The following TCF4 variants were observed in gnomAD, a reference collection of about 807,000 sequenced individuals.
TCF4 encodes the protein SL3-3 enhancer factor 2.
Under a neutral mutation model 82.1 loss-of-function variants are expected in TCF4, and 3 were observed. The ratio of observed to expected loss-of-function variants is 0.04; its 90% CI spans 0.02 to 0.09. TCF4 has a LOEUF of 0.09. Among genes scored for constraint, TCF4 ranks in the 10% least tolerant of loss-of-function variants. The pLI, the probability that TCF4 is intolerant of heterozygous loss-of-function variation, is 1.00. For missense variants in TCF4, 518 were observed against 852.7 expected (o/e 0.61, Z 4.89); for synonymous variants, 276 against 309.6 (o/e 0.89, Z 1.14).
intron 8 of TCF4, among the ~76,000 whole-genome samples, chr18:55,297,306 T>C (rs2146814070): frequency 6.6e-6 from 1 of 151,304 alleles, no homozygotes; most frequent in East Asian, 1.9e-4. Context: ...GCGCATAGAG[T>C]CTGAGTATAA....
chr18:55,321,607 G>T (rs2075509604), intron 8 of TCF4: 1 of 1,535,548 alleles, frequency 6.5e-7, no homozygotes, highest in South Asian at 1.2e-5. Flanking sequence ...CACCACCTAG[G>T]ATGCTCATCC....
intron 5 of TCF4, among the ~76,000 whole-genome samples, chr18:55,423,079 T>A (rs1346448218): frequency 6.6e-6 from 1 of 151,110 alleles, no homozygotes; most frequent in African/African-American, 2.4e-5. Flanking sequence ...TTGGGGGAAG[T>A]TGAAAAGGGC....
chr18:55,494,400 T>C (rs1189174397), intron 3 of TCF4, among the ~76,000 whole-genome samples: 3 of 152,106 alleles, frequency 2.0e-5, no homozygotes, highest in South Asian at 2.1e-4. Context: ...CTCAGCTAAA[T>C]AGAGAGTCTT....
In TCF4 at chr18:55,336,670, T is replaced by C. The variant is rs544352095; in HGVS notation, c.549+13689A>G. Among the ~76,000 whole-genome samples, 18 of 152,296 alleles carry C rather than the reference T, an allele frequency of 1.2e-4. 1 individual carries two copies. Among genetic ancestry groups the C allele is most frequent in the Admixed American group, 1.0e-3 (16 of 15,292 alleles). The stretch of plus-strand genomic sequence containing the variant: ...GAGATGCATTAATGATTATGAATAG[T>C]AAATGATTTGGTGCAAAGAAAAAAA... On this transcript the variant is annotated intron_variant, in intron 8 of 19. Coordinates refer to ENST00000354452, the MANE Select transcript of TCF4 (RefSeq NM_001083962.2).
At chr18:55,243,713 T>TA (rs993854746) in intron 15 of TCF4, among the ~76,000 whole-genome samples, 56 of 152,096 alleles carry the variant, frequency 3.7e-4, no homozygotes, top group African/African-American at 1.4e-3. Flanking sequence ...GTGTGCACCT[T>TA]AGAGTGGCAA....
At chr18:55,558,593 T>C (rs1230845473) in intron 3 of TCF4, among the ~76,000 whole-genome samples, 1 of 152,174 alleles carries the variant, frequency 6.6e-6, no homozygotes, top group Non-Finnish European at 1.5e-5. Context: ...GAGTCACACA[T>C]CCTGATTATA....
chr18:55,391,750 T>C (rs1603440296), intron 6 of TCF4, among the ~76,000 whole-genome samples: 1 of 151,168 alleles, frequency 6.6e-6, no homozygotes, highest in East Asian at 2.0e-4. Flanking sequence ...CTGGCCAACA[T>C]GGTGAAACCC....
At chr18:55,374,871 TAAAAAAA>T (rs5825137) in intron 6 of TCF4, among the ~76,000 whole-genome samples, 1 of 67,146 alleles carries the variant, frequency 1.5e-5, no homozygotes, top group Non-Finnish European at 2.8e-5. Context: ...AGGCCCTGTC[TAAAAAAA>T]AAAAAAAAAA....
chr18:55,457,573 C>T (rs996647979), intron 5 of TCF4, among the ~76,000 whole-genome samples: 2 of 152,142 alleles, frequency 1.3e-5, no homozygotes, highest in Admixed American at 1.3e-4. Context: ...GCAACCTCCG[C>T]CCCCTGAGCT....
chr18:55,620,501 G>C (rs961611002), intron 2 of TCF4, among the ~76,000 whole-genome samples: 1 of 152,100 alleles, frequency 6.6e-6, no homozygotes, highest in African/African-American at 2.4e-5. Context: ...TGGACCATAG[G>C]TTGTTTCATT....
intron 8 of TCF4, chr18:55,284,396 G>C (rs919200842): frequency 3.3e-5 from 5 of 151,656 alleles, no homozygotes; most frequent in Admixed American, 6.6e-5. Context: ...TGGGCGACAG[G>C]GCAAGATTCC....
chr18:55,588,383 C>T (rs1367499625), upstream of TCF4: 2 of 1,532,238 alleles, frequency 1.3e-6, no homozygotes, highest in African/African-American at 1.4e-5. Flanking sequence ...GATGCATCCC[C>T]CTCGCACCCA....
chr18:55,486,041 C>T lies in TCF4; in HGVS notation c.146-21904G>A, dbSNP rs1248134924. Among the ~76,000 whole-genome samples, 5 of 152,204 alleles carry T rather than the reference C, an allele frequency of 3.3e-5. No individual in the cohort carries two copies. In the East Asian group the frequency reaches 7.7e-4, roughly 23 times the overall value. ...TCAAAGGCCATTTATATTTTCATTT[C>T]AATAGAAGGAAAAATAAATCCTACT... On this transcript the variant is annotated intron_variant, in intron 3 of 19. Coordinates refer to ENST00000354452, the MANE Select transcript of TCF4 (RefSeq NM_001083962.2).
chr18:55,238,206 A>G (rs1003543997), intron 15 of TCF4, among the ~76,000 whole-genome samples: 2 of 152,254 alleles, frequency 1.3e-5, no homozygotes, highest in Non-Finnish European at 2.9e-5. Flanking sequence ...TAACCTTTTC[A>G]TAGAGATAAC....
At chr18:55,437,065 T>C (rs1243390188) in intron 5 of TCF4, among the ~76,000 whole-genome samples, 1 of 152,258 alleles carries the variant, frequency 6.6e-6, no homozygotes, top group Non-Finnish European at 1.5e-5. Flanking sequence ...TCCCTAACCA[T>C]TTTGCATAAG....
intron 3 of TCF4, among the ~76,000 whole-genome samples, chr18:55,494,965 TA>T (rs138885827): frequency 0.13 from 18,506 of 142,374 alleles, 1,671 homozygotes; most frequent in African/African-American, 0.27. Context: ...AGCCTTTCTT[TA>T]AAAAAAAAAA....
At chr18:55,570,370 G>A (rs1315820143) in intron 3 of TCF4, among the ~76,000 whole-genome samples, 4 of 152,074 alleles carry the variant, frequency 2.6e-5, no homozygotes, top group Non-Finnish European at 4.4e-5. Context: ...AGCTACCATA[G>A]AGAGAGTAAA....
intron 2 of TCF4, among the ~76,000 whole-genome samples, chr18:55,611,302 CT>C: frequency 6.6e-6 from 1 of 152,270 alleles, no homozygotes; most frequent in Non-Finnish European, 1.5e-5. Context: ...GGCACAAGAA[CT>C]GGTTTGACTT....
At chr18:55,490,098 G>A (rs1053979365) in intron 3 of TCF4, among the ~76,000 whole-genome samples, 3 of 152,136 alleles carry the variant, frequency 2.0e-5, no homozygotes, top group Non-Finnish European at 4.4e-5. Context: ...AAAGCATAAA[G>A]AATATCTTAC....
Sources: gnomAD v4.1 joint callset for allele counts (sites outside exome capture counted in the v4.1 genomes callset) on GRCh38, gnomAD v4.1.1 for gene constraint, MANE v1.5 for transcripts, NCBI Gene and HGNC (gene_info 2026-07-23, HGNC 2026-07-21) for gene names.